The following C6orf163 variants were observed in gnomAD, a reference collection of about 807,000 sequenced individuals.
The protein encoded by C6orf163 is chromosome 6 open reading frame 163.
C6orf163 carries 22 observed loss-of-function variants against 28.4 expected under a neutral mutation model. The observed-to-expected ratio is 0.78, with a 90% CI of 0.55 to 1.11. The LOEUF is 1.11. C6orf163 is among the 50% of genes least tolerant of loss of function. The pLI is 0.00. For synonymous variants in C6orf163, 110 were observed against 123.6 expected, an observed-to-expected ratio of 0.89 and a Z score of 0.73; for missense variants, 342 against 389.1, an observed-to-expected ratio of 0.88 and a Z score of 1.02.
chr6:87,352,927 A>G (rs1360619130), intron 3 of C6orf163, among the ~76,000 whole-genome samples: 2 of 152,216 alleles, frequency 1.3e-5, no homozygotes, highest in East Asian at 3.9e-4. Context: ...GATGGAGTCC[A>G]TGAATCTATT....
intron 3 of C6orf163, among the ~76,000 whole-genome samples, chr6:87,355,380 G>A (rs1777483335): frequency 6.6e-6 from 1 of 152,018 alleles, no homozygotes; most frequent in African/African-American, 2.4e-5. Flanking sequence ...GGGCAACATG[G>A]TGAAACCCTA....
At chr6:87,346,245 A>G (rs868527961) in intron 1 of C6orf163, among the ~76,000 whole-genome samples, 9 of 152,182 alleles carry the variant, frequency 5.9e-5, no homozygotes, top group African/African-American at 2.2e-4. Context: ...ATTTGAAAAT[A>G]TAAGAAGCTG....
chr6:87,352,186 C>CT (rs1189509261), intron 3 of C6orf163, among the ~76,000 whole-genome samples: 1 of 152,116 alleles, frequency 6.6e-6, no homozygotes, highest in Non-Finnish European at 1.5e-5. Flanking sequence ...AATGATTTGT[C>CT]TAAGAGTAGT....
At chr6:87,357,123 A>G (rs1265563643) in intron 4 of C6orf163, 1 of 152,934 alleles carries the variant, frequency 6.5e-6, no homozygotes, top group Non-Finnish European at 1.5e-5. Flanking sequence ...ATATCCTTCC[A>G]TGCCCTTTTG....
At chr6:87,361,439 T>C (rs926819511) in intron 4 of C6orf163, among the ~76,000 whole-genome samples, 9 of 152,188 alleles carry the variant, frequency 5.9e-5, no homozygotes, top group Non-Finnish European at 1.2e-4. Context: ...TGGATCACTT[T>C]TGCCTGACTC....
intron 2 of C6orf163, among the ~76,000 whole-genome samples, chr6:87,349,524 G>T (rs1213520874): frequency 1.3e-5 from 2 of 152,152 alleles, no homozygotes; most frequent in Admixed American, 6.5e-5. Flanking sequence ...CCTCAGTCCT[G>T]TAGCCCTACT....
chr6:87,347,813 G>A (rs1387377797), intron 1 of C6orf163: 75 of 985,538 alleles, frequency 7.6e-5, no homozygotes, highest in Non-Finnish European at 8.6e-5. Context: ...TGGGAAAGGA[G>A]GAATGTGGAT....
chr6:87,346,896 G>A (rs936651603), intron 1 of C6orf163, among the ~76,000 whole-genome samples: 2 of 152,160 alleles, frequency 1.3e-5, no homozygotes, highest in African/African-American at 2.4e-5. Context: ...CCTTCATCCA[G>A]CTTCCATTGA....
intron 4 of C6orf163, among the ~76,000 whole-genome samples, chr6:87,364,746 A>G (rs1438474287): frequency 6.6e-6 from 1 of 152,202 alleles, no homozygotes; most frequent in Non-Finnish European, 1.5e-5. Context: ...GCCTCACCCT[A>G]GCCCACAGCA....
intron 2 of C6orf163, among the ~76,000 whole-genome samples, chr6:87,349,885 A>G (rs958947358): frequency 1.3e-5 from 2 of 152,234 alleles, no homozygotes; most frequent in African/African-American, 4.8e-5. Context: ...TAAATAGTCT[A>G]CAATTTGAAT....
At chr6:87,356,278 A>G in intron 3 of C6orf163, 23 bp from the exon 4 acceptor site, 1 of 1,546,598 alleles carries the variant, frequency 6.5e-7, no homozygotes, top group Non-Finnish European at 8.8e-7. Context: ...TAATAGCTAA[A>G]CCTAGTTTTG....
At chr6:87,346,999 T>TC (rs1463273556) in intron 1 of C6orf163, among the ~76,000 whole-genome samples, 2 of 152,124 alleles carry the variant, frequency 1.3e-5, no homozygotes, top group African/African-American at 2.4e-5. Flanking sequence ...TACACTTTTT[T>TC]CCCCCGGCAT....
chr6:87,360,495 C>G (rs1396315264), intron 4 of C6orf163, among the ~76,000 whole-genome samples: 3 of 149,148 alleles, frequency 2.0e-5, no homozygotes, highest in Non-Finnish European at 4.4e-5. Flanking sequence ...CTTCCAGGTT[C>G]AAGCAATTTT....
At chr6:87,360,932 C>G (rs1489985967) in intron 4 of C6orf163, among the ~76,000 whole-genome samples, 3 of 152,132 alleles carry the variant, frequency 2.0e-5, no homozygotes, top group Non-Finnish European at 2.9e-5. Context: ...CCACCCCACT[C>G]CTGGCTTCAA....
chr6:87,360,057 C>G (rs987387513), intron 4 of C6orf163, among the ~76,000 whole-genome samples: 1 of 152,180 alleles, frequency 6.6e-6, no homozygotes, highest in Non-Finnish European at 1.5e-5. Flanking sequence ...CTCTACTTGT[C>G]ATGTTCTTCC....
intron 4 of C6orf163, chr6:87,357,766 T>G (rs1212247315): frequency 6.6e-6 from 1 of 151,694 alleles, no homozygotes; most frequent in Non-Finnish European, 1.5e-5. Flanking sequence ...CACACACACT[T>G]GCGGTCTCCT....
chr6:87,364,782 C>G (rs532645133), intron 4 of C6orf163, among the ~76,000 whole-genome samples, 179 bp from the exon 5 acceptor site: 1 of 152,296 alleles, frequency 6.6e-6, no homozygotes, highest in Admixed American at 6.5e-5. Context: ...AGCCTCCCTG[C>G]TCTGAAAATG....
At chr6:87,355,707 C>A (rs1396627295) in intron 3 of C6orf163, among the ~76,000 whole-genome samples, 1 of 152,176 alleles carries the variant, frequency 6.6e-6, no homozygotes, top group Non-Finnish European at 1.5e-5. Context: ...CTTCACTAGA[C>A]AGTGAATCCC....
intron 4 of C6orf163, 147 bp downstream of exon 4, chr6:87,356,650 C>T: frequency 2.8e-6 from 2 of 707,614 alleles, no homozygotes; most frequent in Non-Finnish European, 2.3e-6. Context: ...ACATAGGGAA[C>T]AATTTATATT....
Sources: allele counts gnomAD v4.1 joint callset (sites outside exome capture counted in the v4.1 genomes callset), GRCh38; gene constraint gnomAD v4.1.1; transcripts MANE v1.5; gene names NCBI Gene and HGNC (gene_info 2026-07-23, HGNC 2026-07-21).